The following CAST variants were observed in gnomAD, a reference collection of about 807,000 sequenced individuals.
The protein encoded by CAST is calpastatin.
In CAST, 76 loss-of-function variants were observed where a neutral mutation model predicts 119.6. The ratio of observed to expected loss-of-function variants is 0.64; its 90% CI spans 0.53 to 0.77. The LOEUF is 0.77. Ranked by LOEUF, CAST falls within the 30% of genes least tolerant of loss-of-function variation. The probability of loss-of-function intolerance (pLI) is 0.00; values close to 1 mark genes in which losing one functional copy is unlikely to be tolerated. For synonymous variants in CAST, 319 were observed against 331.6 expected (o/e 0.96, Z 0.41); for missense variants, 953 against 946.5 (o/e 1.01, Z -0.09).
intron 3 of CAST, among the ~76,000 whole-genome samples, chr5:96,705,608 A>G (rs1199273806): frequency 2.0e-5 from 3 of 152,084 alleles, no homozygotes; most frequent in Non-Finnish European, 4.4e-5. Flanking sequence ...TGACTGTAAT[A>G]GGTTCTAGTA....
upstream of CAST, among the ~76,000 whole-genome samples, chr5:96,658,177 T>A (rs1392531178): frequency 6.6e-6 from 1 of 152,120 alleles, no homozygotes; most frequent in Non-Finnish European, 1.5e-5. Flanking sequence ...CTTGCACCTA[T>A]CCCAGGACAG....
chr5:96,689,991 A>G (rs1391228924), intron 2 of CAST, among the ~76,000 whole-genome samples: 4 of 152,156 alleles, frequency 2.6e-5, no homozygotes, highest in Non-Finnish European at 5.9e-5. Flanking sequence ...CTCTGAGGGA[A>G]GCAGAGGCAG....
intron 2 of CAST, among the ~76,000 whole-genome samples, chr5:96,690,506 A>G (rs1752613292): frequency 6.6e-6 from 1 of 152,210 alleles, no homozygotes; most frequent in African/African-American, 2.4e-5. Flanking sequence ...CTAGGATTAC[A>G]GGCATAAACC....
At chr5:96,138,977 G>A in the CAST span, among the ~76,000 whole-genome samples, 1 of 151,956 alleles carries the variant, frequency 6.6e-6, no homozygotes, top group East Asian at 1.9e-4. Context: ...GGAGTGGTGA[G>A]AGGAGGCATC....
At chr5:96,066,216 A>C in the CAST span, among the ~76,000 whole-genome samples, 1 of 152,130 alleles carries the variant, frequency 6.6e-6, no homozygotes, top group African/African-American at 2.4e-5. Flanking sequence ...TTTAGTGTGA[A>C]TCTTGCTGAC....
At chr5:96,618,820 G>A (rs552344047) in intron 1 of CAST, among the ~76,000 whole-genome samples, 2 of 152,238 alleles carry the variant, frequency 1.3e-5, no homozygotes, top group East Asian at 1.9e-4. Context: ...CGGGGGACCT[G>A]AGCCTCCCCG....
At chr5:96,488,191 C>T in the CAST span, among the ~76,000 whole-genome samples, 2 of 152,098 alleles carry the variant, frequency 1.3e-5, no homozygotes, top group African/African-American at 4.8e-5. Flanking sequence ...CAGAGTTGTC[C>T]TTAACTCAAT....
the CAST span, among the ~76,000 whole-genome samples, chr5:96,066,916 T>C: frequency 1.3e-4 from 20 of 152,228 alleles, 1 homozygote; most frequent in South Asian, 4.1e-3. Flanking sequence ...TCCTCCAGCC[T>C]CAGCCTCCCA....
the CAST span, among the ~76,000 whole-genome samples, chr5:96,153,967 C>T: frequency 6.6e-6 from 1 of 152,136 alleles, no homozygotes; most frequent in African/African-American, 2.4e-5. Flanking sequence ...TATTTGAAGT[C>T]ATCAATACAT....
chr5:96,450,141 C>G, the CAST span, among the ~76,000 whole-genome samples: 1 of 152,194 alleles, frequency 6.6e-6, no homozygotes, highest in Non-Finnish European at 1.5e-5. Context: ...ACAGCAAAGT[C>G]ATGGATTCCA....
chr5:96,437,488 C>G, the CAST span, among the ~76,000 whole-genome samples: 1 of 152,206 alleles, frequency 6.6e-6, no homozygotes, highest in Admixed American at 6.5e-5. Flanking sequence ...TGCTCTCAAA[C>G]ATTGCCATTT....
chr5:96,617,653 A>G (rs765915704), intron 1 of CAST, among the ~76,000 whole-genome samples: 20 of 151,854 alleles, frequency 1.3e-4, no homozygotes, highest in Middle Eastern at 3.4e-3. Flanking sequence ...TTAGCCAGGC[A>G]TGGTGGTGGG....
chr5:96,662,339 C>T, upstream of CAST: 1 of 1,136,612 alleles, frequency 8.8e-7, no homozygotes, highest in Non-Finnish European at 1.1e-6. Flanking sequence ...CTCCCTCCCT[C>T]TCTCCCTGGC....
the CAST span, among the ~76,000 whole-genome samples, chr5:96,324,619 AT>A: frequency 6.6e-6 from 1 of 152,232 alleles, no homozygotes; most frequent in East Asian, 1.9e-4. Flanking sequence ...GAAAACATTA[AT>A]ATGAATGTAT....
the CAST span, among the ~76,000 whole-genome samples, chr5:96,365,225 A>C: frequency 6.6e-6 from 1 of 152,170 alleles, no homozygotes; most frequent in South Asian, 2.1e-4. Flanking sequence ...ACATTTGCTG[A>C]GGAGTGCTTT....
chr5:96,029,061 AT>A, the CAST span, among the ~76,000 whole-genome samples: 1 of 152,192 alleles, frequency 6.6e-6, no homozygotes. Flanking sequence ...CAATTTAAAC[AT>A]TACCTACAAT....
At chr5:96,267,411 G>A in the CAST span, among the ~76,000 whole-genome samples, 1 of 152,126 alleles carries the variant, frequency 6.6e-6, no homozygotes, top group African/African-American at 2.4e-5. Flanking sequence ...GACAGAGAGA[G>A]GATTCTAAAG....
At chr5:96,217,808 T>C in the CAST span, among the ~76,000 whole-genome samples, 3 of 152,186 alleles carry the variant, frequency 2.0e-5, 1 homozygote, top group Non-Finnish European at 4.4e-5. Flanking sequence ...GGAGAAGGGT[T>C]ATCCTTAGGG....
the CAST span, among the ~76,000 whole-genome samples, chr5:96,023,381 A>T: frequency 6.6e-6 from 1 of 152,302 alleles, no homozygotes; most frequent in East Asian, 1.9e-4. Flanking sequence ...TCACAACCTA[A>T]ATAAAGTTTG....
Sources: allele counts gnomAD v4.1 joint callset (sites outside exome capture counted in the v4.1 genomes callset), GRCh38; gene constraint gnomAD v4.1.1; transcripts MANE v1.5; gene names NCBI Gene and HGNC (gene_info 2026-07-23, HGNC 2026-07-21).